NAA11: variants seen among roughly 807,000 people sequenced by gnomAD.
NAA11 encodes the protein N-alpha-acetyltransferase 11, NatA catalytic subunit.
Under a neutral mutation model 16.1 loss-of-function variants are expected in NAA11, and 15 were observed. The ratio of observed to expected loss-of-function variants is 0.93; its 90% confidence interval spans 0.62 to 1.44. NAA11 has a LOEUF of 1.44. NAA11 is among the 40% of genes most tolerant of loss of function. The probability of loss-of-function intolerance (pLI) is 0.00; values close to 1 mark genes in which losing one functional copy is unlikely to be tolerated. For missense variants in NAA11, 298 were observed against 291.3 expected (o/e 1.02, Z -0.17); for synonymous variants, 122 against 112.4 (o/e 1.09, Z -0.54).
At chr4:79,180,057 C>T in the NAA11 span, among the ~76,000 whole-genome samples, 2 of 152,180 alleles carry the variant, frequency 1.3e-5, no homozygotes, top group Non-Finnish European at 2.9e-5. Context: ...CATTTACCTC[C>T]ATCTGGTCTC....
intron 2 of NAA11, among the ~76,000 whole-genome samples, chr4:79,293,522 A>G (rs1170788517): frequency 1.3e-5 from 2 of 152,234 alleles, no homozygotes; most frequent in Non-Finnish European, 2.9e-5. Context: ...TTTTAATTAT[A>G]CAGATAAGGA....
chr4:79,324,332 C>A (rs781164875), intron 1 of NAA11, among the ~76,000 whole-genome samples: 3 of 151,984 alleles, frequency 2.0e-5, no homozygotes, highest in Non-Finnish European at 2.9e-5. Context: ...TAATATAGTC[C>A]CCGTTCAAAT....
the NAA11 span, among the ~76,000 whole-genome samples, chr4:79,187,841 CAA>C: frequency 3.3e-5 from 5 of 150,770 alleles, no homozygotes; most frequent in East Asian, 2.0e-4. Flanking sequence ...CTAAAAAATA[CAA>C]AAAAAATTAG....
chr4:79,231,939 T>C (rs1421101207), intron 2 of NAA11, among the ~76,000 whole-genome samples: 11 of 151,822 alleles, frequency 7.2e-5, no homozygotes, highest in African/African-American at 2.4e-4. Context: ...TGAAATAATA[T>C]ATATGACATA....
the NAA11 span, among the ~76,000 whole-genome samples, chr4:79,193,452 A>G: frequency 6.6e-6 from 1 of 152,220 alleles, no homozygotes; most frequent in Non-Finnish European, 1.5e-5. Flanking sequence ...ATGGCTAGCC[A>G]GTTTTCCCAG....
chr4:79,156,806 A>G, the NAA11 span, among the ~76,000 whole-genome samples: 1 of 152,226 alleles, frequency 6.6e-6, no homozygotes, highest in African/African-American at 2.4e-5. Flanking sequence ...TTGAGCTCAG[A>G]CTTGTATCCA....
chr4:79,170,950 A>G, the NAA11 span, among the ~76,000 whole-genome samples: 19 of 152,064 alleles, frequency 1.2e-4, no homozygotes, highest in African/African-American at 4.1e-4. Context: ...AAAATATAGC[A>G]TTCACTAAAA....
chr4:79,319,920 G>A (rs1724042316), intron 1 of NAA11, among the ~76,000 whole-genome samples: 1 of 152,292 alleles, frequency 6.6e-6, no homozygotes, highest in Non-Finnish European at 1.5e-5. Context: ...CTGCTCATGT[G>A]AACATTTAAC....
intron 1 of NAA11, chr4:79,298,953 T>C (rs971209220): frequency 4.6e-5 from 7 of 152,258 alleles, no homozygotes; most frequent in Admixed American, 6.5e-5. Flanking sequence ...TAATAGTTGA[T>C]TACATTTTGC....
chr4:79,212,375 G>A, the NAA11 span, among the ~76,000 whole-genome samples: 1 of 152,014 alleles, frequency 6.6e-6, no homozygotes, highest in Non-Finnish European at 1.5e-5. Context: ...TCAGTTGTCG[G>A]CTTGAATTAC....
the NAA11 span, among the ~76,000 whole-genome samples, chr4:79,182,937 G>C: frequency 6.6e-6 from 1 of 151,998 alleles, no homozygotes; most frequent in Non-Finnish European, 1.5e-5. Context: ...TCTAGACTCA[G>C]GAAACTAGTA....
the NAA11 span, among the ~76,000 whole-genome samples, chr4:79,219,920 C>T: frequency 1.4e-4 from 21 of 152,296 alleles, no homozygotes; most frequent in African/African-American, 4.3e-4. Context: ...AAATATCAAA[C>T]CATATCCAAC....
At chr4:79,194,228 A>G in the NAA11 span, among the ~76,000 whole-genome samples, 1 of 152,108 alleles carries the variant, frequency 6.6e-6, no homozygotes, top group Non-Finnish European at 1.5e-5. Context: ...ATTTAATAGG[A>G]ATAGTATTGA....
chr4:79,177,316 C>T, the NAA11 span, among the ~76,000 whole-genome samples: 4 of 151,750 alleles, frequency 2.6e-5, no homozygotes, highest in Admixed American at 6.6e-5. Context: ...GCCCAGAAGA[C>T]GGTGTCTCCC....
At chr4:79,187,967 C>G in the NAA11 span, among the ~76,000 whole-genome samples, 2 of 141,170 alleles carry the variant, frequency 1.4e-5, no homozygotes, top group East Asian at 2.1e-4. Context: ...CCACTGCACT[C>G]CAGCCTGGGC....
chr4:79,204,802 A>G, the NAA11 span, among the ~76,000 whole-genome samples: 1 of 151,876 alleles, frequency 6.6e-6, no homozygotes, highest in Non-Finnish European at 1.5e-5. Flanking sequence ...TATAAGAAAG[A>G]ACATGCAGTA....
At chr4:79,276,042 T>G (rs1331228267) in intron 2 of NAA11, among the ~76,000 whole-genome samples, 2 of 152,104 alleles carry the variant, frequency 1.3e-5, no homozygotes, top group Non-Finnish European at 2.9e-5. Flanking sequence ...TGCTAAAAGT[T>G]CTTACATGTC....
chr4:79,185,872 TAAA>T, the NAA11 span, among the ~76,000 whole-genome samples: 1 of 144,252 alleles, frequency 6.9e-6, no homozygotes, highest in East Asian at 2.0e-4. Context: ...AGAATGAAAT[TAAA>T]AAAAAAAAAA....
chr4:79,217,811 A>G, the NAA11 span, among the ~76,000 whole-genome samples: 3 of 152,182 alleles, frequency 2.0e-5, no homozygotes, highest in Non-Finnish European at 4.4e-5. Context: ...TATAATTACC[A>G]TAATATCTTA....
Sources: gnomAD v4.1 joint callset for allele counts (sites outside exome capture counted in the v4.1 genomes callset) on GRCh38, gnomAD v4.1.1 for gene constraint, MANE v1.5 for transcripts, NCBI Gene and HGNC (gene_info 2026-07-23, HGNC 2026-07-21) for gene names.